Variants in SELP observed in about 807,000 individuals in gnomAD.
The protein encoded by SELP is selectin P, also known as P-selectin.
A neutral mutation model predicts 104.1 loss-of-function variants in SELP; 92 were observed. The ratio of observed to expected loss-of-function variants is 0.88; its 90% CI spans 0.75 to 1.05. The LOEUF is 1.05. Among genes scored for constraint, SELP ranks in the 50% least tolerant of loss-of-function variants. The pLI, the probability that SELP is intolerant of heterozygous loss-of-function variation, is 0.00. For synonymous variants in SELP, 397 were observed against 364.5 expected (o/e 1.09, Z -1.01); for missense variants, 1,022 against 1,017.3 (o/e 1.00, Z -0.06).
chr1:169,623,995 G>A (rs1663256839), intron 1 of SELP, among the ~76,000 whole-genome samples: 1 of 152,188 alleles, frequency 6.6e-6, no homozygotes, highest in South Asian at 2.1e-4. Flanking sequence ...CAAAACAAAT[G>A]CATGCTTGCA....
intron 3 of SELP, among the ~76,000 whole-genome samples, chr1:169,615,959 G>A (rs894078459): frequency 3.9e-5 from 6 of 152,098 alleles, no homozygotes; most frequent in African/African-American, 1.4e-4. Context: ...CTTCCTGCTC[G>A]GGGCAGTCCA....
intron 9 of SELP, among the ~76,000 whole-genome samples, 188 bp downstream of exon 9, chr1:169,606,761 T>C (rs1046648904): frequency 2.6e-5 from 4 of 152,178 alleles, no homozygotes; most frequent in African/African-American, 9.7e-5. Context: ...TTGTGTAATC[T>C]GCCTATCCCC....
At chr1:169,602,888 C>CT (rs773483659) in intron 10 of SELP, 138 bp downstream of exon 10, 45 of 588,260 alleles carry the variant, frequency 7.6e-5, no homozygotes, top group Non-Finnish European at 1.1e-4. Flanking sequence ...AGAGGGAGAA[C>CT]TTTTTTATCT....
At chr1:169,600,374 A>T (rs1661841324) in intron 10 of SELP, among the ~76,000 whole-genome samples, 1 of 152,212 alleles carries the variant, frequency 6.6e-6, no homozygotes, top group African/African-American at 2.4e-5. Context: ...AGTCTAAAGG[A>T]GAATGTATGT....
chr1:169,590,258 C>T, intron 15 of SELP, 56 bp from the exon 16 acceptor site: 1 of 1,223,586 alleles, frequency 8.2e-7, no homozygotes, highest in South Asian at 1.2e-5. Context: ...CTCGACAACA[C>T]AGTCCAACAC....
At chr1:169,629,252 G>A (rs1401493403) in intron 1 of SELP, among the ~76,000 whole-genome samples, 1 of 152,092 alleles carries the variant, frequency 6.6e-6, no homozygotes, top group Non-Finnish European at 1.5e-5. Context: ...TTATCCATGA[G>A]CATATAACAT....
At chr1:169,603,246 T>A (rs774995270) in intron 9 of SELP, 35 bp from the exon 10 acceptor site, 1 of 1,581,546 alleles carries the variant, frequency 6.3e-7, no homozygotes, top group Admixed American at 1.7e-5. Flanking sequence ...AAAGAAGAGA[T>A]CATTTTATAA....
chr1:169,591,620 A>C, intron 14 of SELP, 164 bp from the exon 15 acceptor site: 1 of 483,186 alleles, frequency 2.1e-6, no homozygotes, highest in African/African-American at 2.0e-5. Flanking sequence ...AAAGGTAGAA[A>C]GTGTTTTAGG....
chr1:169,591,384 A>C (rs1242095817), intron 15 of SELP, 42 bp downstream of exon 15: 1 of 1,399,502 alleles, frequency 7.1e-7, no homozygotes, highest in African/African-American at 1.5e-5. Context: ...TATAAAGTTA[A>C]GGTAGCAAAA....
At chr1:169,620,390 T>C (rs1663038366) in intron 1 of SELP, among the ~76,000 whole-genome samples, 1 of 151,510 alleles carries the variant, frequency 6.6e-6, no homozygotes, top group Non-Finnish European at 1.5e-5. Context: ...TTTTTTTTTT[T>C]TTTTTTTTTA....
rs200791706 is a variant in SELP, at chr1:169,608,147, C to CT, written c.1334-1014dup. On this transcript the variant is annotated intron_variant, in intron 8 of 16. Coordinates refer to ENST00000263686, the MANE Select transcript of SELP (RefSeq NM_003005.4). Reference sequence around the variant, plus strand: ...CTATTCTATTGCCTTCTTGTTTTTTCTTTTTTTTTTTTTTTGCTGTTCAAT... The same window carrying CT: ...CTATTCTATTGCCTTCTTGTTTTTTCTTTTTTTTTTTTTTTTGCTGTTCAAT... 2.7e-3 allele frequency among the ~76,000 whole-genome samples: 380 copies of CT among 138,234 alleles called. 3 individuals are homozygous for CT. The highest frequency in any genetic ancestry group is 5.0e-3 in the African/African-American group (185 of 37,306). 90.7% of individuals were successfully genotyped at this position (138,234 alleles called of 152,430 possible). A position where few individuals can be genotyped will look rare whatever the true frequency, so the allele number is the denominator to read the frequency against.
At chr1:169,617,691 C>A (rs1272730923) in intron 2 of SELP, among the ~76,000 whole-genome samples, 1 of 152,078 alleles carries the variant, frequency 6.6e-6, no homozygotes, top group African/African-American at 2.4e-5. Context: ...TTAGGAGGGA[C>A]CCTGGAAGTC....
At chr1:169,616,922 T>C in intron 3 of SELP, 106 bp downstream of exon 3, 1 of 1,244,722 alleles carries the variant, frequency 8.0e-7, no homozygotes, top group Non-Finnish European at 1.1e-6. Flanking sequence ...TGATTTCATG[T>C]CCTGCCTTTG....
intron 9 of SELP, among the ~76,000 whole-genome samples, chr1:169,606,690 G>A (rs1036731661): frequency 2.0e-5 from 3 of 152,158 alleles, no homozygotes; most frequent in Non-Finnish European, 2.9e-5. Context: ...TCTGGGTAAA[G>A]ACCCTGATAA....
chr1:169,595,760 G>A (rs2101869100), intron 12 of SELP, among the ~76,000 whole-genome samples, 165 bp downstream of exon 12: 1 of 152,294 alleles, frequency 6.6e-6, no homozygotes, highest in Non-Finnish European at 1.5e-5. Flanking sequence ...GAAGTGAAAT[G>A]CCTGTGACAC....
chr1:169,591,489 TAAAA>T, intron 14 of SELP, 33 bp from the exon 15 acceptor site: 1 of 1,245,022 alleles, frequency 8.0e-7, no homozygotes, highest in Non-Finnish European at 1.1e-6. Context: ...AATGAATGAT[TAAAA>T]AAAAAAAACA....
chr1:169,592,453 C>T (rs967774727), intron 14 of SELP, among the ~76,000 whole-genome samples: 9 of 152,148 alleles, frequency 5.9e-5, no homozygotes, highest in Non-Finnish European at 1.0e-4. Context: ...CTTTCCATTA[C>T]CTTGATTTGA....
In SELP at chr1:169,594,765, C is replaced by T; in HGVS notation, c.2214G>A (p.Gln738=). ...SICSFHCLEG[Q]LLNGSAQTAC... ...CTGTTTGTGCAGAGCCATTAAGTAA[C>T]TGGCCCTCTAGACAATGGAAAGAGC... The change falls in exon 13 of 17, where the codon CAG becomes CAA. Residue 738 remains glutamine (Q), a synonymous_variant. Coordinates refer to ENST00000263686, the MANE Select transcript of SELP (RefSeq NM_003005.4). 6.2e-7 allele frequency: 1 copy of T among 1,613,886 alleles called. No individual in the cohort carries two copies. The highest frequency in any genetic ancestry group is 8.5e-7 in the Non-Finnish European group (1 of 1,179,830).
intron 11 of SELP, among the ~76,000 whole-genome samples, chr1:169,596,666 A>T (rs1235752661): frequency 6.6e-6 from 1 of 152,220 alleles, no homozygotes; most frequent in Non-Finnish European, 1.5e-5. Context: ...AGATTTGAAA[A>T]ACTGGACCAG....
Sources: allele counts gnomAD v4.1 joint callset (sites outside exome capture counted in the v4.1 genomes callset), GRCh38; gene constraint gnomAD v4.1.1; transcripts MANE v1.5; gene names NCBI Gene and HGNC (gene_info 2026-07-23, HGNC 2026-07-21).